The following PDE4D variants were observed in gnomAD, a reference collection of about 807,000 sequenced individuals.
PDE4D encodes the protein 3',5'-cyclic-AMP phosphodiesterase 4D.
A neutral mutation model predicts 87.4 loss-of-function variants in PDE4D; 24 were observed. The ratio of observed to expected loss-of-function variants is 0.27; its 90% CI spans 0.20 to 0.39. PDE4D has a LOEUF of 0.39. Ranked by LOEUF, PDE4D falls within the 10% of genes least tolerant of loss-of-function variation. PDE4D has a pLI of 1.00. For missense variants in PDE4D, 714 were observed against 1,041.0 expected (o/e 0.69, Z 4.32); for synonymous variants, 384 against 383.2 (o/e 1.00, Z -0.02).
intron 3 of PDE4D, among the ~76,000 whole-genome samples, chr5:59,962,342 T>A (rs555766367): frequency 3.3e-5 from 5 of 152,234 alleles, no homozygotes; most frequent in Non-Finnish European, 5.9e-5. Context: ...ATTTTTAATT[T>A]TTTTCTGATT....
chr5:59,202,383 G>A (rs557739559), intron 2 of PDE4D, among the ~76,000 whole-genome samples: 1 of 151,500 alleles, frequency 6.6e-6, no homozygotes, highest in South Asian at 2.1e-4. Flanking sequence ...TTAAAGAGAT[G>A]TGGGGTCTCA....
intron 1 of PDE4D, among the ~76,000 whole-genome samples, chr5:59,438,661 A>G (rs972601456): frequency 1.3e-5 from 2 of 152,142 alleles, no homozygotes; most frequent in African/African-American, 4.8e-5. Context: ...TGGCTCTGGA[A>G]CTGCACACTT....
At chr5:59,209,123 A>AT (rs942485776) in intron 2 of PDE4D, among the ~76,000 whole-genome samples, 2 of 152,126 alleles carry the variant, frequency 1.3e-5, no homozygotes, top group Non-Finnish European at 2.9e-5. Flanking sequence ...GGAAACTGTT[A>AT]TTTTTTTAAC....
intron 2 of PDE4D, among the ~76,000 whole-genome samples, chr5:60,052,029 T>G (rs1172850409): frequency 2.0e-5 from 3 of 152,140 alleles, no homozygotes; most frequent in Non-Finnish European, 2.9e-5. Context: ...TACAAAGTTC[T>G]GAATTGAGGC....
chr5:59,855,727 T>C (rs1228116125), intron 1 of PDE4D, among the ~76,000 whole-genome samples: 1 of 152,146 alleles, frequency 6.6e-6, no homozygotes, highest in Non-Finnish European at 1.5e-5. Context: ...TTATTGCCAT[T>C]CAGTATGAGA....
intron 2 of PDE4D, among the ~76,000 whole-genome samples, chr5:60,155,359 T>C (rs1384616363): frequency 6.6e-6 from 1 of 152,208 alleles, no homozygotes; most frequent in East Asian, 1.9e-4. Flanking sequence ...CCTTTTTATA[T>C]GCTTATTGAC....
Position 60,454,867 on chromosome 5 carries a change from C to T in PDE4D, c.-90+33075G>A, listed in dbSNP as rs139912402. 7.8e-3 allele frequency among the ~76,000 whole-genome samples: 1,176 copies of T among 151,554 alleles called. 10 individuals carry two copies. The highest frequency in any genetic ancestry group is 0.015 in the African/African-American group (616 of 41,218). On this transcript the variant is annotated intron_variant, in intron 1 of 16. Transcript: ENST00000502484. ...CCCCTGGTAGATATAAACACAAAGACGAAGCGGCACATACATGAGCGGGGA... is the reference window on the plus strand; with the variant it reads ...CCCCTGGTAGATATAAACACAAAGATGAAGCGGCACATACATGAGCGGGGA...
intron 3 of PDE4D, among the ~76,000 whole-genome samples, chr5:59,905,565 G>C (rs1752724567): frequency 6.6e-6 from 1 of 152,138 alleles, no homozygotes; most frequent in Non-Finnish European, 1.5e-5. Flanking sequence ...AGACTTTCTA[G>C]ATGTGTAACC....
intron 2 of PDE4D, among the ~76,000 whole-genome samples, chr5:60,068,877 T>C (rs151146382): frequency 1.3e-3 from 197 of 152,286 alleles, no homozygotes; most frequent in African/African-American, 4.4e-3. Context: ...TGTATTCTTA[T>C]TTGTTTACTT....
intron 5 of PDE4D, among the ~76,000 whole-genome samples, chr5:59,096,460 G>C (rs915026535): frequency 6.6e-6 from 1 of 152,170 alleles, no homozygotes. Context: ...ATAACACCCT[G>C]ATTTCCTTTG....
At chr5:59,520,305 A>T (rs941959791) in intron 1 of PDE4D, among the ~76,000 whole-genome samples, 2 of 152,176 alleles carry the variant, frequency 1.3e-5, no homozygotes, top group African/African-American at 2.4e-5. Flanking sequence ...ATTTATGGGG[A>T]TGGGGCTGTT....
intron 1 of PDE4D, among the ~76,000 whole-genome samples, chr5:60,289,296 G>A (rs913705070): frequency 2.2e-4 from 34 of 152,136 alleles, no homozygotes; most frequent in African/African-American, 6.8e-4. Flanking sequence ...ATAACAGAAT[G>A]CAAAGTCCAG....
intron 1 of PDE4D, among the ~76,000 whole-genome samples, chr5:59,608,328 A>T (rs1250680166): frequency 6.6e-6 from 1 of 152,166 alleles, no homozygotes; most frequent in Non-Finnish European, 1.5e-5. Context: ...GCATGCTTCT[A>T]GAGAAGAGGA....
At chr5:59,593,755 T>C (rs1826246817) in intron 1 of PDE4D, among the ~76,000 whole-genome samples, 1 of 152,034 alleles carries the variant, frequency 6.6e-6, no homozygotes, top group Non-Finnish European at 1.5e-5. Context: ...TGACAAATCG[T>C]TAGAGGCTGA....
intron 3 of PDE4D, among the ~76,000 whole-genome samples, chr5:59,982,466 A>T (rs1218409696): frequency 6.6e-6 from 1 of 152,038 alleles, no homozygotes; most frequent in Non-Finnish European, 1.5e-5. Flanking sequence ...GGCAAGCTAG[A>T]CTCTCCTTAG....
intron 5 of PDE4D, among the ~76,000 whole-genome samples, chr5:59,089,394 T>A (rs1179591435): frequency 6.6e-6 from 1 of 152,192 alleles, no homozygotes; most frequent in Admixed American, 6.6e-5. Context: ...TTGATTTTTA[T>A]TTTTATAGAT....
intron 1 of PDE4D, among the ~76,000 whole-genome samples, chr5:60,376,567 T>G (rs1761451522): frequency 6.6e-6 from 1 of 152,216 alleles, no homozygotes; most frequent in South Asian, 2.1e-4. Context: ...ATGTCCTTCA[T>G]GTTTAAAACA....
intron 1 of PDE4D, among the ~76,000 whole-genome samples, chr5:60,390,647 A>T (rs62372006): frequency 8.7e-5 from 5 of 57,528 alleles, no homozygotes; most frequent in Admixed American, 4.7e-4. Context: ...ATGATAATTT[A>T]AAAAAAAAAA....
At chr5:60,360,404 G>GA (rs938452883) in intron 1 of PDE4D, among the ~76,000 whole-genome samples, 1 of 152,108 alleles carries the variant, frequency 6.6e-6, no homozygotes, top group African/African-American at 2.4e-5. Context: ...AATTGCTTTT[G>GA]AAAAAAGCTA....
Sources: gnomAD v4.1 joint callset for allele counts (sites outside exome capture counted in the v4.1 genomes callset) on GRCh38, gnomAD v4.1.1 for gene constraint, MANE v1.5 for transcripts, NCBI Gene and HGNC (gene_info 2026-07-23, HGNC 2026-07-21) for gene names.